RALYL: variants seen among roughly 807,000 people sequenced by gnomAD.
RALYL encodes RALY RNA binding protein like, also known as RNA-binding Raly-like protein.
In RALYL, 29 loss-of-function variants were observed where a neutral mutation model predicts 35.1. The observed-to-expected ratio is 0.83, with a 90% CI of 0.61 to 1.13. The LOEUF (loss-of-function observed/expected upper bound fraction) is 1.13, where lower values mean the gene tolerates loss of function less well. RALYL is among the 50% of genes most tolerant of loss of function. The pLI is 0.00. For missense variants in RALYL, 359 were observed against 360.4 expected, an observed-to-expected ratio of 1.00 and a Z score of 0.03; for synonymous variants, 120 against 127.6, an observed-to-expected ratio of 0.94 and a Z score of 0.40.
At chr8:84,407,157 G>A (rs1312445514) in intron 1 of RALYL, among the ~76,000 whole-genome samples, 2 of 151,956 alleles carry the variant, frequency 1.3e-5, no homozygotes, top group Non-Finnish European at 1.5e-5. Flanking sequence ...TCTATGGAAT[G>A]GAAGTAATTA....
At chr8:84,424,866 G>A (rs1253751201) in intron 1 of RALYL, among the ~76,000 whole-genome samples, 3 of 151,638 alleles carry the variant, frequency 2.0e-5, no homozygotes, top group African/African-American at 4.9e-5. Flanking sequence ...CTGCTCGGGG[G>A]TCAGGGGTCA....
At chr8:84,641,163 T>C (rs1379531939) in intron 2 of RALYL, among the ~76,000 whole-genome samples, 1 of 151,424 alleles carries the variant, frequency 6.6e-6, no homozygotes, top group Non-Finnish European at 1.5e-5. Flanking sequence ...ATATTTTATA[T>C]TGATAACTTT....
At chr8:84,302,264 A>G (rs1349376759) in intron 1 of RALYL, among the ~76,000 whole-genome samples, 2 of 152,184 alleles carry the variant, frequency 1.3e-5, no homozygotes. Context: ...TACAGTGATC[A>G]CTGAAAAATT....
At chr8:84,604,834 T>C (rs1450304507) in intron 2 of RALYL, among the ~76,000 whole-genome samples, 3 of 152,286 alleles carry the variant, frequency 2.0e-5, no homozygotes, top group East Asian at 1.9e-4. Flanking sequence ...TTACTTATTA[T>C]ATGTGATAGA....
At chr8:84,244,019 A>G (rs1563598107) in intron 1 of RALYL, among the ~76,000 whole-genome samples, 1 of 152,002 alleles carries the variant, frequency 6.6e-6, no homozygotes, top group Non-Finnish European at 1.5e-5. Flanking sequence ...CATTTTTTCT[A>G]TGTGGCTTAG....
At chr8:84,460,027 T>C (rs1337358026) in intron 1 of RALYL, among the ~76,000 whole-genome samples, 1 of 151,894 alleles carries the variant, frequency 6.6e-6, no homozygotes, top group East Asian at 1.9e-4. Flanking sequence ...TGTTGAAGTG[T>C]AGTCGAAGCA....
chr8:84,629,542 A>G (rs1364473661), intron 2 of RALYL, among the ~76,000 whole-genome samples: 1 of 152,118 alleles, frequency 6.6e-6, no homozygotes, highest in Non-Finnish European at 1.5e-5. Context: ...TGGAAATTCC[A>G]TGGAATGCAA....
chr8:84,706,102 G>A, intron 2 of RALYL: 1 of 1,518,012 alleles, frequency 6.6e-7, no homozygotes, highest in Non-Finnish European at 8.8e-7. Context: ...CACTGGGGTA[G>A]GGAAAACATA....
At chr8:84,752,417 C>T (rs73300140) in intron 2 of RALYL, among the ~76,000 whole-genome samples, 3,115 of 152,178 alleles carry the variant, frequency 0.02, 119 homozygotes, top group African/African-American at 0.07. Context: ...AAATTTGCAA[C>T]CTGGATATAT....
At chr8:84,456,591 G>C (rs945708364) in intron 1 of RALYL, among the ~76,000 whole-genome samples, 4 of 152,008 alleles carry the variant, frequency 2.6e-5, no homozygotes, top group African/African-American at 4.8e-5. Context: ...AATTCCCTAA[G>C]TATTTATTAA....
chr8:84,741,645 C>T (rs1007736774), intron 2 of RALYL, among the ~76,000 whole-genome samples: 4 of 151,998 alleles, frequency 2.6e-5, no homozygotes, highest in Non-Finnish European at 5.9e-5. Context: ...GACCTGCCAC[C>T]TCTTAATACT....
chr8:84,544,910 T>C (rs1043236014), intron 2 of RALYL, among the ~76,000 whole-genome samples: 1 of 152,088 alleles, frequency 6.6e-6, no homozygotes, highest in African/African-American at 2.4e-5. Flanking sequence ...TTTTAATTTG[T>C]ATTTCTCTTA....
At position 84,571,608 on chromosome 8, in the gene RALYL, C is replaced by G. The variant is rs145454652; in HGVS notation, c.256+42031C>G. ...TGTATAATTTTTTTGGTCTCAGTCT[C>G]ATTTAGTTCTCCTCTTATCTTTGCT... On this transcript the variant is annotated intron_variant, in intron 2 of 8. Coordinates refer to ENST00000521268, the MANE Select transcript of RALYL (RefSeq NM_173848.7). 2.0e-5 allele frequency among the ~76,000 whole-genome samples: 3 copies of G among 151,648 alleles called. No homozygotes were observed. In the East Asian group the frequency reaches 5.8e-4, roughly 29 times the overall value.
intron 2 of RALYL, chr8:84,679,102 G>T: frequency 4.3e-6 from 1 of 233,596 alleles, no homozygotes. Context: ...TAGAAAGATA[G>T]TAAATGCTGA....
intron 7 of RALYL, among the ~76,000 whole-genome samples, chr8:84,876,252 C>G (rs746031713): frequency 1.8e-4 from 28 of 152,110 alleles, no homozygotes; most frequent in Non-Finnish European, 4.0e-4. Flanking sequence ...TCAAGTCTTT[C>G]AAATGTAAAC....
At chr8:84,403,565 A>G (rs937758021) in intron 1 of RALYL, among the ~76,000 whole-genome samples, 1 of 99,412 alleles carries the variant, frequency 1.0e-5, no homozygotes, top group African/African-American at 3.9e-5. Context: ...AACCAGTACC[A>G]TGCTGTTTTG....
At chr8:84,262,119 A>T (rs1449467405) in intron 1 of RALYL, among the ~76,000 whole-genome samples, 4 of 152,156 alleles carry the variant, frequency 2.6e-5, no homozygotes, top group Non-Finnish European at 5.9e-5. Context: ...GTGAATGTGG[A>T]GTCATGGTTC....
chr8:84,342,295 T>TATATATATATATATATATATATAA (rs1053647755), intron 1 of RALYL, among the ~76,000 whole-genome samples: 4 of 119,734 alleles, frequency 3.3e-5, no homozygotes, highest in South Asian at 2.4e-4. Flanking sequence ...TATATATATA[T>TATATATATATATATATATATATAA]AAAACTCAAA....
Position 84,826,068 on chromosome 8 carries a change from G to C in RALYL, c.365+21266G>C, listed in dbSNP as rs1249525816. ...AATGCAGGAACAAAAAAAATATATT[G>C]AATGTTCTTACTCATAACAAGGAGC... On this transcript the variant is annotated intron_variant, in intron 4 of 8. Coordinates refer to ENST00000521268, the MANE Select transcript of RALYL (RefSeq NM_173848.7). Among the ~76,000 whole-genome samples the C allele has an allele frequency of 2.0e-5, 3 of 151,872 alleles. No individual in the cohort carries two copies. The East Asian group carries it at 5.8e-4, about 29-fold the overall frequency.
Sources: gnomAD v4.1 joint callset for allele counts (sites outside exome capture counted in the v4.1 genomes callset) on GRCh38, gnomAD v4.1.1 for gene constraint, MANE v1.5 for transcripts, NCBI Gene and HGNC (gene_info 2026-07-23, HGNC 2026-07-21) for gene names.